GARRE1: variants seen among roughly 807,000 people sequenced by gnomAD.
The protein encoded by GARRE1 is granule associated Rac and RHOG effector protein 1.
GARRE1 carries 49 observed loss-of-function variants against 103.2 expected under a neutral mutation model. The observed-to-expected ratio is 0.47, with a 90% CI of 0.38 to 0.60. GARRE1 has a LOEUF of 0.60. Among genes scored for constraint, GARRE1 ranks in the 20% least tolerant of loss-of-function variants. GARRE1 has a pLI of 0.00. For missense variants in GARRE1, 1,199 were observed against 1,370.5 expected (o/e 0.87, Z 1.98); for synonymous variants, 505 against 532.8 (o/e 0.95, Z 0.72).
Position 34,300,246 on chromosome 19 carries a change from A to T in GARRE1, c.-228A>T. On this transcript the variant is annotated 5_prime_UTR_variant, in exon 2 of 14. Coordinates refer to ENST00000299505, the MANE Select transcript of GARRE1 (RefSeq NM_014686.5). ...ACAGTTCTTATCCAGCATTTTGGAC[A>T]TCTTTTATTTTTTGTCAGAGATCCT... 1 of 427,840 alleles carries T rather than the reference A, an allele frequency of 2.3e-6. No homozygotes were observed. Among genetic ancestry groups the T allele is most frequent in the Non-Finnish European group, 4.1e-6 (1 of 243,490 alleles). The allele number at this position is 427,840 out of a possible 1,614,324, so 26.5% of individuals were successfully genotyped here.
chr19:34,263,365 T>G (rs1032720033), intron 1 of GARRE1, among the ~76,000 whole-genome samples: 9 of 152,202 alleles, frequency 5.9e-5, no homozygotes, highest in Non-Finnish European at 5.9e-5. Context: ...AAACAGTGGT[T>G]GTTTTTGGGA....
chr19:34,292,207 A>G (rs1360020489), intron 1 of GARRE1, among the ~76,000 whole-genome samples: 5 of 150,996 alleles, frequency 3.3e-5, no homozygotes, highest in African/African-American at 1.2e-4. Flanking sequence ...TAGACATTTC[A>G]TATCAGTAGA....
intron 3 of GARRE1, 77 bp from the exon 4 acceptor site, chr19:34,327,344 G>C (rs2074116211): frequency 8.9e-6 from 12 of 1,341,212 alleles, no homozygotes; most frequent in Non-Finnish European, 1.3e-5. Flanking sequence ...GGTTTTTCTT[G>C]TTGTTGTTAT....
intron 2 of GARRE1, among the ~76,000 whole-genome samples, chr19:34,307,738 ATATATAC>A (rs2074016062): frequency 2.1e-4 from 27 of 127,584 alleles, no homozygotes; most frequent in Admixed American, 2.1e-3. Context: ...ATATATACTT[ATATATAC>A]TATATATACA....
chr19:34,311,289 C>G (rs1333397129), intron 2 of GARRE1, among the ~76,000 whole-genome samples: 1 of 152,182 alleles, frequency 6.6e-6, no homozygotes, highest in Non-Finnish European at 1.5e-5. Flanking sequence ...TTCCTTAAAG[C>G]TGGGAGTGGT....
At chr19:34,352,147 C>T (rs1362413533) in intron 13 of GARRE1, among the ~76,000 whole-genome samples, 1 of 152,024 alleles carries the variant, frequency 6.6e-6, no homozygotes, top group Non-Finnish European at 1.5e-5. Context: ...CGCCTGTAAT[C>T]CCAGCACTTT....
chr19:34,297,859 G>A (rs2073955537), intron 1 of GARRE1, among the ~76,000 whole-genome samples: 1 of 152,044 alleles, frequency 6.6e-6, no homozygotes, highest in African/African-American at 2.4e-5. Context: ...CTCAAATTTT[G>A]TTGAACATAG....
intron 3 of GARRE1, among the ~76,000 whole-genome samples, chr19:34,324,029 G>C (rs886845448): frequency 2.6e-5 from 4 of 151,972 alleles, no homozygotes; most frequent in African/African-American, 9.7e-5. Flanking sequence ...TCCTTCCCCT[G>C]CCTCATGACA....
chr19:34,276,927 T>G (rs2073820571), intron 1 of GARRE1, among the ~76,000 whole-genome samples: 1 of 152,116 alleles, frequency 6.6e-6, no homozygotes, highest in South Asian at 2.1e-4. Context: ...AATGGTAAGA[T>G]GATTGCAAGT....
chr19:34,321,751 C>T (rs1238253992), intron 3 of GARRE1, among the ~76,000 whole-genome samples: 1 of 152,240 alleles, frequency 6.6e-6, no homozygotes, highest in Non-Finnish European at 1.5e-5. Flanking sequence ...GCTGGGATTA[C>T]AGGCGTGAGC....
rs777559989 is a variant in GARRE1, at chr19:34,342,030, C to T, written c.2096C>T (p.Pro699Leu). The T allele has an allele frequency of 5.6e-6, 9 of 1,613,996 alleles. No individual in the cohort carries two copies. The highest frequency in any genetic ancestry group is 7.6e-6 in the Non-Finnish European group (9 of 1,180,050). Residue 699 changes from proline to leucine, a missense_variant, in exon 10 of 14, where the codon CCA becomes CTA. Coordinates refer to ENST00000299505, the MANE Select transcript of GARRE1 (RefSeq NM_014686.5). The stretch of plus-strand genomic sequence containing the variant: ...CAGCCGTCACTGCCTGTGCCCCCTC[C>T]ACCACGGGCACCCCAGGCTGGGGCA... ...PQQPSLPVPP[P>L]PRAPQAGAHT... is the part of the protein sequence containing the mutation.
chr19:34,287,536 G>C (rs2073894426), intron 1 of GARRE1, among the ~76,000 whole-genome samples: 1 of 152,346 alleles, frequency 6.6e-6, no homozygotes, highest in East Asian at 1.9e-4. Context: ...TGCTCAGTGA[G>C]TGTTATGACA....
rs1447761248 is a variant in GARRE1 at position 34,327,564 on chromosome 19, A to T, written c.846+3A>T. 1 of 1,613,458 alleles carries T rather than the reference A, an allele frequency of 6.2e-7. No homozygotes were observed. Among genetic ancestry groups the T allele is most frequent in the African/African-American group, 1.3e-5 (1 of 75,034 alleles). On this transcript the variant is annotated splice_donor_region_variant and intron_variant, in intron 4 of 13. Coordinates refer to ENST00000299505, the MANE Select transcript of GARRE1 (RefSeq NM_014686.5). ...TAAAAATCGACAGTGCTTTGCAAGT[A>T]AGTTTTTCAGAACTGACATACTGAT...
At chr19:34,325,214 G>C (rs990407422) in intron 3 of GARRE1, among the ~76,000 whole-genome samples, 1 of 152,108 alleles carries the variant, frequency 6.6e-6, no homozygotes, top group African/African-American at 2.4e-5. Flanking sequence ...GTTTCTCCAG[G>C]CTCAGTTCTA....
intron 1 of GARRE1, among the ~76,000 whole-genome samples, chr19:34,261,726 T>C (rs1040933341): frequency 6.6e-6 from 1 of 151,686 alleles, no homozygotes; most frequent in Non-Finnish European, 1.5e-5. Flanking sequence ...GAGGGTAGAG[T>C]CTGGACAGGT....
intron 6 of GARRE1, 96 bp from the exon 7 acceptor site, chr19:34,330,093 T>G: frequency 1.8e-6 from 2 of 1,092,976 alleles, no homozygotes; most frequent in Non-Finnish European, 2.7e-6. Context: ...AAAATGCTCT[T>G]CTCTTGAGGA....
Position 34,341,999 on chromosome 19 carries a change from C to T in GARRE1, c.2065C>T (p.Pro689Ser). ...TGAGCAGAAGGCAGGAGCCATGCAACCACAGCAGCCGTCACTGCCTGTGCC... is the reference window on the plus strand; with the variant it reads ...TGAGCAGAAGGCAGGAGCCATGCAATCACAGCAGCCGTCACTGCCTGTGCC... ...VTEQKAGAMQ[P>S]QQPSLPVPPP... Residue 689 changes from proline (P) to serine (S), a missense_variant, in exon 10 of 14, where the codon CCA becomes TCA. Transcript: ENST00000299505. 1 of 1,614,136 alleles carries T rather than the reference C, an allele frequency of 6.2e-7. No homozygotes were observed. The highest frequency in any genetic ancestry group is 8.5e-7 in the Non-Finnish European group (1 of 1,180,006).
intron 12 of GARRE1, 62 bp from the exon 13 acceptor site, chr19:34,351,451 AC>A: frequency 7.9e-7 from 1 of 1,258,844 alleles, no homozygotes; most frequent in South Asian, 1.2e-5. Context: ...ACTAGTGTGT[AC>A]CCTACAGGTG....
intron 1 of GARRE1, among the ~76,000 whole-genome samples, chr19:34,283,365 T>G (rs1451687041): frequency 6.6e-6 from 1 of 152,230 alleles, no homozygotes; most frequent in East Asian, 1.9e-4. Flanking sequence ...GTTCAAGGAT[T>G]GGGTAACTTT....
Sources: gnomAD v4.1 joint callset for allele counts (sites outside exome capture counted in the v4.1 genomes callset) on GRCh38, gnomAD v4.1.1 for gene constraint, MANE v1.5 for transcripts, NCBI Gene and HGNC (gene_info 2026-07-23, HGNC 2026-07-21) for gene names.